KCNN2: variants seen among roughly 807,000 people sequenced by gnomAD.
The protein encoded by KCNN2 is small conductance calcium-activated potassium channel protein 2.
In KCNN2, 24 loss-of-function variants were observed where a neutral mutation model predicts 55.5. The observed-to-expected ratio is 0.43, with a 90% CI of 0.31 to 0.61. The LOEUF is 0.61. Among genes scored for constraint, KCNN2 ranks in the 20% least tolerant of loss-of-function variants. The pLI is 0.08. For synonymous variants in KCNN2, 431 were observed against 336.1 expected (o/e 1.28, Z -3.09); for missense variants, 754 against 853.6 (o/e 0.88, Z 1.45).
upstream of KCNN2, among the ~76,000 whole-genome samples, chr5:114,357,321 T>C (rs973147117): frequency 6.6e-6 from 1 of 151,250 alleles, no homozygotes; most frequent in Admixed American, 6.6e-5. Context: ...AATTATACTT[T>C]AACTTTTAGG....
intron 3 of KCNN2, among the ~76,000 whole-genome samples, chr5:114,409,121 T>C (rs1051334716): frequency 1.3e-5 from 2 of 152,214 alleles, no homozygotes; most frequent in African/African-American, 4.8e-5. Context: ...AAACATCTCA[T>C]GTCTTTTTGC....
intron 2 of KCNN2, among the ~76,000 whole-genome samples, chr5:114,241,818 ATG>A (rs371846663): frequency 0.018 from 530 of 30,132 alleles, 164 homozygotes; most frequent in African/African-American, 0.049. Flanking sequence ...ATATATATAT[ATG>A]TGTGTATATA....
In KCNN2 at chr5:114,241,772, A is replaced by G. The variant is rs1389090502; in HGVS notation, c.-185+20207A>G. Among the ~76,000 whole-genome samples the G allele has an allele frequency of 1.4e-3, 19 of 13,470 alleles. 3 individuals carry two copies. The highest frequency in any genetic ancestry group is 5.0e-3 in the East Asian group (1 of 200). The allele number at this position is 13,470 out of a possible 152,430, so 8.8% of individuals were successfully genotyped here. On this transcript the variant is annotated intron_variant, in intron 2 of 10. Transcript: ENST00000512097. ...TATATGTATATATATACGTATATAT[A>G]TACATATATACGTATATATATGTAT...
intron 2 of KCNN2, among the ~76,000 whole-genome samples, chr5:114,239,854 C>G (rs1754582548): frequency 6.6e-6 from 1 of 152,000 alleles, no homozygotes; most frequent in African/African-American, 2.4e-5. Flanking sequence ...GTTGAAAGCA[C>G]CAAATAACAA....
In KCNN2 at chr5:114,097,531, C is replaced by T. The variant is rs544780490; in HGVS notation, c.-271+41031C>T. On this transcript the variant is annotated intron_variant, in intron 1 of 10. Coordinates refer to the KCNN2 transcript ENST00000512097. ...GTTTCATTCACTATAGCTTGTTCCC[C>T]TGGCTGAGTGTCAAAATATTAAAAT... Among the ~76,000 whole-genome samples, 16 of 152,256 alleles carry T rather than the reference C, an allele frequency of 1.1e-4. No homozygotes were observed. In the South Asian group the frequency reaches 2.7e-3, roughly 26 times the overall value.
chr5:114,108,894 C>CT (rs1751539994), intron 1 of KCNN2, among the ~76,000 whole-genome samples: 1 of 151,884 alleles, frequency 6.6e-6, no homozygotes, highest in South Asian at 2.1e-4. Flanking sequence ...GAAGTGGAAC[C>CT]ATTGGGTCAT....
chr5:114,215,218 G>T (rs1416647289), intron 1 of KCNN2, among the ~76,000 whole-genome samples: 1 of 152,070 alleles, frequency 6.6e-6, no homozygotes, highest in Non-Finnish European at 1.5e-5. Flanking sequence ...ATTCCTACTA[G>T]AATATAGAGT....
chr5:114,265,840 A>C (rs1417805345), intron 2 of KCNN2, among the ~76,000 whole-genome samples: 1 of 152,090 alleles, frequency 6.6e-6, no homozygotes, highest in Admixed American at 6.6e-5. Context: ...TTTGTTGACT[A>C]CTCACCCTGT....
At chr5:114,104,570 A>G (rs942183880) in intron 1 of KCNN2, among the ~76,000 whole-genome samples, 2 of 152,056 alleles carry the variant, frequency 1.3e-5, no homozygotes, top group Admixed American at 6.6e-5. Context: ...TTTGTTTGCA[A>G]TACCCTGGTT....
intron 2 of KCNN2, among the ~76,000 whole-genome samples, chr5:114,340,476 T>A (rs1468990008): frequency 6.6e-6 from 1 of 152,206 alleles, no homozygotes; most frequent in Non-Finnish European, 1.5e-5. Flanking sequence ...GTTAATTTAC[T>A]TTTTCAAGTA....
At chr5:114,336,046 A>G (rs569353654) in intron 2 of KCNN2, among the ~76,000 whole-genome samples, 5 of 152,330 alleles carry the variant, frequency 3.3e-5, no homozygotes, top group Admixed American at 6.5e-5. Context: ...TGATCCCTTG[A>G]AGACATTCTA....
chr5:114,161,374 G>C (rs551012661), intron 1 of KCNN2, among the ~76,000 whole-genome samples: 1 of 139,646 alleles, frequency 7.2e-6, no homozygotes, highest in African/African-American at 2.6e-5. Flanking sequence ...GAGATCAGCT[G>C]TTAGTCTGAT....
chr5:114,121,304 C>G (rs1209738601), intron 1 of KCNN2, among the ~76,000 whole-genome samples: 1 of 152,116 alleles, frequency 6.6e-6, no homozygotes, highest in Non-Finnish European at 1.5e-5. Context: ...CCTGCAAGCC[C>G]ATGTAGTATT....
At chr5:114,134,937 T>C (rs1295719201) in intron 1 of KCNN2, among the ~76,000 whole-genome samples, 1 of 152,218 alleles carries the variant, frequency 6.6e-6, no homozygotes, top group Admixed American at 6.5e-5. Flanking sequence ...TGTTTAAAGA[T>C]AGGGCATGAA....
At chr5:114,260,783 C>G (rs1162463056) in intron 2 of KCNN2, among the ~76,000 whole-genome samples, 16 of 152,146 alleles carry the variant, frequency 1.1e-4, no homozygotes, top group Admixed American at 9.8e-4. Context: ...TCCCATATAG[C>G]TAGGTGTCCA....
chr5:114,212,879 C>T (rs7722686), intron 1 of KCNN2, among the ~76,000 whole-genome samples: 17,042 of 151,924 alleles, frequency 0.11, 1,214 homozygotes, highest in Non-Finnish European at 0.15. Context: ...CTGATTTATA[C>T]GATAAATTAT....
chr5:114,083,304 TG>T (rs1750863587), intron 1 of KCNN2, among the ~76,000 whole-genome samples: 1 of 152,102 alleles, frequency 6.6e-6, no homozygotes, highest in Admixed American at 6.6e-5. Context: ...ATGTTTCATT[TG>T]CCCTTCTAGC....
chr5:114,451,844 C>T (rs976123959), intron 3 of KCNN2, among the ~76,000 whole-genome samples: 1 of 151,310 alleles, frequency 6.6e-6, no homozygotes. Flanking sequence ...TTGCAGTGAG[C>T]CAAGATCACG....
intron 2 of KCNN2, among the ~76,000 whole-genome samples, chr5:114,299,599 T>G (rs918006336): frequency 6.6e-6 from 1 of 152,202 alleles, no homozygotes; most frequent in Non-Finnish European, 1.5e-5. Flanking sequence ...ATGTAACATC[T>G]GTGTCATCTG....
Sources: gnomAD v4.1 joint callset for allele counts (sites outside exome capture counted in the v4.1 genomes callset) on GRCh38, gnomAD v4.1.1 for gene constraint, MANE v1.5 for transcripts, NCBI Gene and HGNC (gene_info 2026-07-23, HGNC 2026-07-21) for gene names.